The following JADE2 variants were observed in gnomAD, a reference collection of about 807,000 sequenced individuals.
JADE2 encodes jade family PHD finger 2.
Under a neutral mutation model 85.7 loss-of-function variants are expected in JADE2, and 13 were observed. That is an observed-to-expected ratio of 0.15 (90% confidence interval 0.10 to 0.24). The LOEUF is 0.24. JADE2 is among the 10% of genes least tolerant of loss of function. The pLI is 1.00. For synonymous variants in JADE2, 440 were observed against 456.1 expected (o/e 0.96, Z 0.45); for missense variants, 846 against 1,115.9 (o/e 0.76, Z 3.45).
intron 3 of JADE2, among the ~76,000 whole-genome samples, chr5:134,550,291 C>T (rs1055067890): frequency 2.0e-5 from 3 of 152,182 alleles, no homozygotes; most frequent in Non-Finnish European, 4.4e-5. Flanking sequence ...CATCTAGATG[C>T]AGACGTTAAT....
intron 1 of JADE2, among the ~76,000 whole-genome samples, chr5:134,533,262 G>C (rs910796144): frequency 1.3e-5 from 2 of 152,218 alleles, no homozygotes; most frequent in Non-Finnish European, 1.5e-5. Flanking sequence ...CCACTGTGCT[G>C]AGGGCTTTAC....
At chr5:134,561,185 G>T (rs577956184) in intron 6 of JADE2, among the ~76,000 whole-genome samples, 2 of 152,286 alleles carry the variant, frequency 1.3e-5, no homozygotes, top group East Asian at 3.9e-4. Context: ...TGTCCCATCA[G>T]CCTCCCTCAG....
chr5:134,571,432 C>T (rs1319167403), intron 9 of JADE2, among the ~76,000 whole-genome samples: 6 of 152,208 alleles, frequency 3.9e-5, no homozygotes, highest in Non-Finnish European at 7.3e-5. Flanking sequence ...GGCGCGGTGG[C>T]TCACGCCTGT....
intron 1 of JADE2, chr5:134,526,333 C>T (rs943036577): frequency 1.2e-5 from 12 of 985,114 alleles, no homozygotes; most frequent in Middle Eastern, 5.2e-4. Context: ...AAAGCGCCCC[C>T]GGGCCGGCGA....
At chr5:134,526,342 G>C (rs1216485961) in intron 1 of JADE2, 1 of 985,112 alleles carries the variant, frequency 1.0e-6, no homozygotes, top group Non-Finnish European at 1.2e-6. Flanking sequence ...CCGGGCCGGC[G>C]AGGGGGCGCG....
At position 134,583,165 on chromosome 5, in the gene JADE2, T is replaced by C. The variant is rs1423406021; in HGVS notation, c.*3848T>C. ...CCCGGCCCCACCAGGGCTTGTGTCA[T>C]AGGGAGCCCTTTGCACTCCTCGTGT... On this transcript the variant is annotated 3_prime_UTR_variant, in exon 12 of 12. Transcript: ENST00000681547. 6.6e-6 allele frequency: 1 copy of C among 152,616 alleles called. No homozygotes were observed. Among genetic ancestry groups the C allele is most frequent in the Admixed American group, 6.5e-5 (1 of 15,280 alleles). 9.5% of individuals were successfully genotyped at this position (152,616 alleles called of 1,614,324 possible). A position where few individuals can be genotyped will look rare whatever the true frequency, so the allele number is the denominator to read the frequency against.
chr5:134,526,421 G>C (rs1017911278), intron 1 of JADE2: 88 of 985,246 alleles, frequency 8.9e-5, no homozygotes, highest in Non-Finnish European at 5.2e-5. Context: ...GCTGCGGCGG[G>C]AGATGGGTAC....
chr5:134,552,584 G>A (rs1048738039), intron 4 of JADE2, among the ~76,000 whole-genome samples: 20 of 152,344 alleles, frequency 1.3e-4, no homozygotes, highest in African/African-American at 4.8e-4. Context: ...ATGAAATGAC[G>A]CATGGAAGGC....
In JADE2 at chr5:134,582,203, A is replaced by T. The variant is rs1764745095; in HGVS notation, c.*2886A>T. 1 of 152,282 alleles carries T rather than the reference A, an allele frequency of 6.6e-6. No individual in the cohort carries two copies. The highest frequency in any genetic ancestry group is 1.5e-5 in the Non-Finnish European group (1 of 68,064). 9.4% of individuals were successfully genotyped at this position (152,282 alleles called of 1,614,324 possible). On this transcript the variant is annotated 3_prime_UTR_variant, in exon 12 of 12. Coordinates refer to ENST00000681547, the MANE Select transcript of JADE2 (RefSeq NM_001388185.1). ...TGCAAGAAAAGTATTTTTATGTATCATAAATGTATTTTGAAACAAATGAGA... is the reference window on the plus strand; with the variant it reads ...TGCAAGAAAAGTATTTTTATGTATCTTAAATGTATTTTGAAACAAATGAGA...
intron 9 of JADE2, among the ~76,000 whole-genome samples, chr5:134,569,821 T>C (rs1763883162): frequency 6.6e-6 from 1 of 152,124 alleles, no homozygotes; most frequent in Non-Finnish European, 1.5e-5. Context: ...CCTGGGCAGC[T>C]CCAGCCTGCA....
At chr5:134,547,629 A>G (rs1762371391) in intron 3 of JADE2, among the ~76,000 whole-genome samples, 1 of 152,248 alleles carries the variant, frequency 6.6e-6, no homozygotes, top group Non-Finnish European at 1.5e-5. Context: ...AATGATGTTT[A>G]GGTTACAATT....
rs539348880 is a variant in JADE2 at position 134,566,942 on chromosome 5, C to T, written c.1434+362C>T. ...GGCACTTGCTTGCCTCTGTGGGCCC[C>T]GCCTGGTCCTAACACATGAGCTTGC... On this transcript the variant is annotated intron_variant, in intron 9 of 11. Transcript: ENST00000681547. The surrounding 1 kb of genome is among the most constrained non-coding windows in gnomAD (Gnocchi z 6.7). Among the ~76,000 whole-genome samples the T allele has an allele frequency of 8.7e-4, 132 of 152,312 alleles. No individual in the cohort carries two copies. The highest frequency in any genetic ancestry group is 1.8e-3 in the Admixed American group (27 of 15,302).
chr5:134,576,629 C>A, intron 10 of JADE2, 139 bp from the exon 11 acceptor site: 1 of 1,076,236 alleles, frequency 9.3e-7, no homozygotes, highest in Non-Finnish European at 1.3e-6. Flanking sequence ...GCCAGCCATC[C>A]CCTAACTCCA....
chr5:134,551,944 A>C, intron 3 of JADE2, 108 bp from the exon 4 acceptor site: 3 of 974,086 alleles, frequency 3.1e-6, no homozygotes, highest in Non-Finnish European at 3.3e-6. Flanking sequence ...CTAAGTGCGC[A>C]GGCAGAATGT....
chr5:134,561,104 A>G, intron 6 of JADE2, 147 bp downstream of exon 6: 2 of 700,792 alleles, frequency 2.9e-6, no homozygotes, highest in Non-Finnish European at 4.7e-6. Context: ...TCATGGTACC[A>G]TGTGCACCCA....
chr5:134,527,540 C>A (rs1269388599), intron 1 of JADE2, among the ~76,000 whole-genome samples: 1 of 151,896 alleles, frequency 6.6e-6, no homozygotes, highest in Non-Finnish European at 1.5e-5. Context: ...TAAACCCCTC[C>A]CCCGACCTGG....
intron 1 of JADE2, among the ~76,000 whole-genome samples, chr5:134,534,687 G>A (rs1761472716): frequency 6.6e-6 from 1 of 152,180 alleles, no homozygotes; most frequent in South Asian, 2.1e-4. Flanking sequence ...GATGGGCTGG[G>A]CAGTGGGGCT....
chr5:134,567,680 C>T (rs1377106041), intron 9 of JADE2, among the ~76,000 whole-genome samples: 1 of 152,208 alleles, frequency 6.6e-6, no homozygotes, highest in African/African-American at 2.4e-5. Flanking sequence ...ATGGGTAGAA[C>T]ATCTCCAGGG....
At chr5:134,534,822 C>T (rs1435786817) in intron 1 of JADE2, among the ~76,000 whole-genome samples, 1 of 152,224 alleles carries the variant, frequency 6.6e-6, no homozygotes, top group South Asian at 2.1e-4. Context: ...CAGCCACAGG[C>T]GAGCTGTAAG....
Sources: gnomAD v4.1 joint callset for allele counts (sites outside exome capture counted in the v4.1 genomes callset) on GRCh38, gnomAD v4.1.1 for gene constraint, Gnocchi (gnomAD v3.1) non-coding constraint, MANE v1.5 for transcripts, NCBI Gene and HGNC (gene_info 2026-07-23, HGNC 2026-07-21) for gene names.